IQGAP2: variants seen among roughly 807,000 people sequenced by gnomAD.
IQGAP2 encodes ras GTPase-activating-like protein IQGAP2.
IQGAP2 carries 173 observed loss-of-function variants against 201.3 expected under a neutral mutation model. The observed-to-expected ratio is 0.86, with a 90% confidence interval of 0.76 to 0.98. The LOEUF (loss-of-function observed/expected upper bound fraction) is 0.98. Ranked by LOEUF, IQGAP2 falls within the 50% of genes least tolerant of loss-of-function variation. The pLI, the probability that IQGAP2 is intolerant of heterozygous loss-of-function variation, is 0.00. For synonymous variants in IQGAP2, 675 were observed against 673.9 expected (o/e 1.00, Z -0.03); for missense variants, 1,687 against 1,864.8 (o/e 0.90, Z 1.76).
intron 2 of IQGAP2, among the ~76,000 whole-genome samples, chr5:76,525,274 G>A (rs1312877960): frequency 1.3e-5 from 2 of 152,170 alleles, no homozygotes; most frequent in East Asian, 1.9e-4. Context: ...CATGCCAGCC[G>A]GCAATGCTAG....
intron 21 of IQGAP2, among the ~76,000 whole-genome samples, chr5:76,659,449 G>T (rs1348696804): frequency 2.6e-5 from 4 of 152,138 alleles, no homozygotes; most frequent in Non-Finnish European, 5.9e-5. Flanking sequence ...AATGAGGCAG[G>T]AACTCATTTT....
chr5:76,413,731 T>C (rs1561353276), intron 1 of IQGAP2, among the ~76,000 whole-genome samples: 1 of 152,218 alleles, frequency 6.6e-6, no homozygotes, highest in Non-Finnish European at 1.5e-5. Flanking sequence ...GGCTTCCAAG[T>C]TGAAGTTGGT....
intron 2 of IQGAP2, among the ~76,000 whole-genome samples, chr5:76,505,121 G>A (rs552861880): frequency 6.6e-6 from 1 of 152,220 alleles, no homozygotes; most frequent in Non-Finnish European, 1.5e-5. Context: ...CCTCACTAGA[G>A]TCTTAAGTCC....
chr5:76,570,302 C>T (rs376362441), intron 3 of IQGAP2, among the ~76,000 whole-genome samples: 97 of 152,308 alleles, frequency 6.4e-4, no homozygotes, highest in Middle Eastern at 3.4e-3. Flanking sequence ...ATAAAACATC[C>T]TTAAGCATGA....
At chr5:76,553,567 G>C (rs920352850) in intron 2 of IQGAP2, among the ~76,000 whole-genome samples, 4 of 152,156 alleles carry the variant, frequency 2.6e-5, no homozygotes, top group Non-Finnish European at 5.9e-5. Flanking sequence ...TAGTACAATA[G>C]AAAGGATTGT....
At chr5:76,634,927 T>C (rs1002585733) in intron 15 of IQGAP2, among the ~76,000 whole-genome samples, 4 of 152,222 alleles carry the variant, frequency 2.6e-5, no homozygotes, top group Non-Finnish European at 5.9e-5. Flanking sequence ...ACTGTATTTC[T>C]TAGGAAAACT....
At chr5:76,643,603 G>GA (rs1462974156) in intron 17 of IQGAP2, among the ~76,000 whole-genome samples, 1 of 152,020 alleles carries the variant, frequency 6.6e-6, no homozygotes, top group East Asian at 1.9e-4. Flanking sequence ...GAAAACATCA[G>GA]AAAAAAATGA....
intron 1 of IQGAP2, among the ~76,000 whole-genome samples, chr5:76,438,035 G>GTTTTTTTTTTTTTTTT (rs71604291): frequency 1.2e-4 from 8 of 68,602 alleles, no homozygotes; most frequent in Admixed American, 1.4e-4. Context: ...TTTTTTGTTT[G>GTTTTTTTTTTTTTTTT]TTTTTTTTTT....
chr5:76,610,090 A>C (rs1285391800), intron 12 of IQGAP2, among the ~76,000 whole-genome samples: 1,721 of 9,198 alleles, frequency 0.19, 131 homozygotes, highest in Non-Finnish European at 0.24. Context: ...ATATATATAT[A>C]TATATATATA....
chr5:76,403,549 C>A lies in IQGAP2; in HGVS notation c.4C>A (p.Pro2Thr), dbSNP rs866808149. 7 of 1,530,060 alleles carry A rather than the reference C, an allele frequency of 4.6e-6. No individual in the cohort carries two copies. In the Admixed American group the frequency reaches 1.0e-4, roughly 23 times the overall value. 94.8% of individuals were successfully genotyped at this position (1,530,060 alleles called of 1,614,324 possible). Residue 2 changes from proline to threonine, a missense_variant, in exon 1 of 36, where the codon CCA becomes ACA. Pro to Thr is a conservative substitution (Grantham distance 38). Transcript: ENST00000274364. The surrounding 1 kb of genome is among the most constrained non-coding windows in gnomAD (Gnocchi z 4.8). The part of the protein sequence containing the change: M[P>T]HEELPSLQRP... ...CGGGCCCCCGGAGACGCGCAGGATG[C>A]CACACGAAGAGCTGCCGTCGCTGCA...
chr5:76,469,243 A>G (rs1269518631), intron 2 of IQGAP2, among the ~76,000 whole-genome samples: 1 of 152,206 alleles, frequency 6.6e-6, no homozygotes, highest in African/African-American at 2.4e-5. Context: ...AGTGAACTAG[A>G]AAATATCCAG....
At chr5:76,452,001 C>T (rs1753782957) in intron 1 of IQGAP2, among the ~76,000 whole-genome samples, 18 of 152,194 alleles carry the variant, frequency 1.2e-4, no homozygotes, top group Admixed American at 1.1e-3. Flanking sequence ...CACACCACTG[C>T]ATTCCAGCCT....
At chr5:76,449,105 G>A (rs1011862106) in intron 1 of IQGAP2, among the ~76,000 whole-genome samples, 5 of 152,190 alleles carry the variant, frequency 3.3e-5, no homozygotes, top group Admixed American at 3.3e-4. Flanking sequence ...AAGGGTGGAG[G>A]GGAATGGCCC....
At chr5:76,653,262 G>A (rs1752659046) in intron 18 of IQGAP2, among the ~76,000 whole-genome samples, 1 of 152,170 alleles carries the variant, frequency 6.6e-6, no homozygotes, top group Non-Finnish European at 1.5e-5. Flanking sequence ...ATATTTGGGA[G>A]CTGAATTAGT....
chr5:76,531,761 C>T (rs1221317406), intron 2 of IQGAP2, among the ~76,000 whole-genome samples: 2 of 152,232 alleles, frequency 1.3e-5, no homozygotes, highest in Non-Finnish European at 2.9e-5. Context: ...CCTGTCTCCT[C>T]CACTCAATAC....
chr5:76,667,474 C>A (rs984736035), intron 22 of IQGAP2, among the ~76,000 whole-genome samples: 3 of 152,186 alleles, frequency 2.0e-5, no homozygotes, highest in Non-Finnish European at 4.4e-5. Flanking sequence ...TTTGTACATA[C>A]TTCCTCTATA....
chr5:76,664,932 AT>A, intron 21 of IQGAP2, 93 bp from the exon 22 acceptor site: 1 of 727,172 alleles, frequency 1.4e-6, no homozygotes, highest in Admixed American at 2.6e-5. Flanking sequence ...GTATGCCTGT[AT>A]TTCCAATTAC....
intron 1 of IQGAP2, among the ~76,000 whole-genome samples, chr5:76,416,954 G>A (rs544954116): frequency 2.4e-4 from 36 of 152,162 alleles, no homozygotes; most frequent in African/African-American, 8.7e-4. Flanking sequence ...TCAGCCTTCT[G>A]AGTAGATGGG....
intron 13 of IQGAP2, chr5:76,623,533 T>C: frequency 3.2e-6 from 1 of 309,868 alleles, no homozygotes; most frequent in South Asian, 8.7e-5. Context: ...GTGCTGTAAT[T>C]CTCCCCTAGT....
Sources: allele counts gnomAD v4.1 joint callset (sites outside exome capture counted in the v4.1 genomes callset), GRCh38; gene constraint gnomAD v4.1.1; non-coding constraint Gnocchi (gnomAD v3.1); transcripts MANE v1.5; gene names NCBI Gene and HGNC (gene_info 2026-07-23, HGNC 2026-07-21).